The following MAPK10 variants were observed in gnomAD, a reference collection of about 807,000 sequenced individuals.
MAPK10 encodes the protein mitogen-activated protein kinase 10.
In MAPK10, 25 loss-of-function variants were observed where a neutral mutation model predicts 59.3. The observed-to-expected ratio is 0.42, with a 90% CI of 0.31 to 0.59. The LOEUF is 0.59. Among genes scored for constraint, MAPK10 ranks in the 20% least tolerant of loss-of-function variants. The pLI, the probability that MAPK10 is intolerant of heterozygous loss-of-function variation, is 0.15. For synonymous variants in MAPK10, 190 were observed against 200.5 expected (o/e 0.95, Z 0.44); for missense variants, 351 against 568.9 (o/e 0.62, Z 3.90).
intron 1 of MAPK10, among the ~76,000 whole-genome samples, chr4:86,509,621 G>A (rs1479418370): frequency 6.6e-6 from 1 of 152,092 alleles, no homozygotes; most frequent in Non-Finnish European, 1.5e-5. Context: ...GCCAGTCCCA[G>A]CTAAAATGTA....
intron 1 of MAPK10, among the ~76,000 whole-genome samples, chr4:86,359,286 C>CTGTGTGTGTGTG (rs1260423766): frequency 1.4e-4 from 16 of 118,106 alleles, no homozygotes; most frequent in African/African-American, 5.6e-4. Flanking sequence ...CTCTCTCTCT[C>CTGTGTGTGTGTG]TCTGTGTGTG....
intron 2 of MAPK10, among the ~76,000 whole-genome samples, chr4:86,346,919 TTAATA>T (rs1326643784): frequency 1.3e-5 from 2 of 152,070 alleles, no homozygotes; most frequent in South Asian, 2.1e-4. Context: ...CACATATGTC[TTAATA>T]TAAAAGAGTA....
chr4:86,103,075 C>CTGTGTGTGTG (rs10681488), intron 6 of MAPK10, 111 bp downstream of exon 6: 33,153 of 494,926 alleles, frequency 0.067, 859 homozygotes, highest in African/African-American at 0.11. Flanking sequence ...GATTTCAACT[C>CTGTGTGTGTG]TGTGTGTGTG....
At chr4:86,351,554 T>A (rs751403386) in intron 2 of MAPK10, among the ~76,000 whole-genome samples, 1 of 152,146 alleles carries the variant, frequency 6.6e-6, no homozygotes, top group Non-Finnish European at 1.5e-5. Context: ...TATGCCCTAC[T>A]AGCAATTCTT....
rs1736465526 is a variant in MAPK10, at chr4:86,359,644, A to G, written c.-122+14T>C. 2 of 984,828 alleles carry G rather than the reference A, an allele frequency of 2.0e-6. No homozygotes were observed. Among genetic ancestry groups the G allele is most frequent in the East Asian group, 1.1e-4 (1 of 8,798 alleles). The allele number at this position is 984,828 out of a possible 1,614,324, so 61.0% of individuals were successfully genotyped here. A position where few individuals can be genotyped will look rare whatever the true frequency, so the allele number is the denominator to read the frequency against. The stretch of plus-strand genomic sequence containing the variant: ...AAACAGGTTAGAACCCAGAACGAGC[A>G]AAGAGCCACCTACCATTCCGTGCCT... On this transcript the variant is annotated intron_variant, in intron 1 of 13. Coordinates refer to ENST00000641462, the MANE Select transcript of MAPK10 (RefSeq NM_138982.4).
intron 1 of MAPK10, among the ~76,000 whole-genome samples, chr4:86,434,178 C>T (rs1748406259): frequency 6.6e-6 from 1 of 152,126 alleles, no homozygotes; most frequent in Non-Finnish European, 1.5e-5. Flanking sequence ...ACTGGGAAAA[C>T]TGGAGAACTA....
rs919475268 is a variant in MAPK10 at position 86,452,327 on chromosome 4, T to A, written c.-122+703A>T. Among the ~76,000 whole-genome samples the A allele has an allele frequency of 5.3e-5, 8 of 152,250 alleles. No individual in the cohort carries two copies. In the East Asian group the frequency reaches 7.7e-4, roughly 15 times the overall value. ...AGATCTATTAAGTGGTTAGTGCCAA[T>A]CCAGGTATTAGACATTTGGGTTACA... On this transcript the variant is annotated intron_variant, in intron 1 of 13. Transcript: ENST00000361569.
At chr4:86,288,772 C>T (rs954208940) in intron 2 of MAPK10, among the ~76,000 whole-genome samples, 2 of 152,058 alleles carry the variant, frequency 1.3e-5, no homozygotes, top group African/African-American at 2.4e-5. Context: ...TCATTAGATA[C>T]AATTTTAAGT....
chr4:86,446,618 G>C (rs1036256001), intron 1 of MAPK10, among the ~76,000 whole-genome samples: 1 of 152,114 alleles, frequency 6.6e-6, no homozygotes, highest in African/African-American at 2.4e-5. Flanking sequence ...GTCTTCAAAG[G>C]CATCTCTCTC....
chr4:86,099,224 C>T (rs1199091595), intron 8 of MAPK10: 1 of 152,130 alleles, frequency 6.6e-6, no homozygotes, highest in Non-Finnish European at 1.5e-5. Flanking sequence ...GTTTTAGTTT[C>T]CATTTGAAAT....
At chr4:86,401,948 G>A (rs1209215175) in intron 1 of MAPK10, among the ~76,000 whole-genome samples, 1 of 152,000 alleles carries the variant, frequency 6.6e-6, no homozygotes, top group Non-Finnish European at 1.5e-5. Context: ...CCTCCCCTAT[G>A]TTCTACTGTC....
At chr4:86,089,474 A>G (rs967014437) in intron 9 of MAPK10, 1 of 470,622 alleles carries the variant, frequency 2.1e-6, no homozygotes, top group African/African-American at 2.6e-5. Context: ...TTTCTGTCAT[A>G]TAACAGAAAT....
chr4:86,257,463 C>G (rs184672866), intron 2 of MAPK10, among the ~76,000 whole-genome samples: 367 of 152,334 alleles, frequency 2.4e-3, no homozygotes, highest in Non-Finnish European at 4.4e-3. Context: ...TCCTTTGGGA[C>G]TCACGTGATC....
chr4:86,550,355 G>A, intron 1 of MAPK10, among the ~76,000 whole-genome samples: 1 of 126,094 alleles, frequency 7.9e-6, no homozygotes, highest in Non-Finnish European at 1.6e-5. Context: ...TAATCAGAAG[G>A]GCTAAGCAGA....
At chr4:86,126,623 C>T (rs1580770431) in intron 4 of MAPK10, among the ~76,000 whole-genome samples, 3 of 152,022 alleles carry the variant, frequency 2.0e-5, no homozygotes, top group African/African-American at 7.2e-5. Flanking sequence ...AAGATTTTAT[C>T]TCTAGCTAAG....
rs533577767 is a variant in MAPK10, at chr4:86,230,524, A to G, written c.-6-36117T>C. Among the ~76,000 whole-genome samples the G allele has an allele frequency of 5.3e-5, 8 of 152,342 alleles. No individual in the cohort carries two copies. In the South Asian group the frequency reaches 1.0e-3, roughly 20 times the overall value. On this transcript the variant is annotated intron_variant, in intron 2 of 13. Coordinates refer to ENST00000641462, the MANE Select transcript of MAPK10 (RefSeq NM_138982.4). ...TTTGTGACTATTCTGCTTACATGGA[A>G]AAAACCATGAGGATAAATTTCTGGA...
At position 86,131,003 on chromosome 4, in the gene MAPK10, A is replaced by T. The variant is rs927242126; in HGVS notation, c.237-23651T>A. On this transcript the variant is annotated intron_variant, in intron 4 of 13. Coordinates refer to ENST00000641462, the MANE Select transcript of MAPK10 (RefSeq NM_138982.4). ...TTGCCAAGAAGAAAGAGGGGAAGAT[A>T]GTGAAAGCTTATAAATGGGATAGAT... 2.0e-5 allele frequency among the ~76,000 whole-genome samples: 3 copies of T among 152,168 alleles called. No individual in the cohort carries two copies. In the South Asian group the frequency reaches 6.2e-4, roughly 31 times the overall value.
intron 4 of MAPK10, chr4:86,117,977 G>A (rs1432078035): frequency 7.2e-5 from 11 of 152,176 alleles, no homozygotes; most frequent in Admixed American, 6.5e-4. Flanking sequence ...GAGCTCCCTG[G>A]TGATTCAGCT....
chr4:86,429,804 C>G (rs1747791010), intron 1 of MAPK10: 2 of 148,178 alleles, frequency 1.3e-5, no homozygotes, highest in Non-Finnish European at 3.0e-5. Context: ...TAGATCCTGT[C>G]TCTGTTTAAA....
Sources: allele counts gnomAD v4.1 joint callset (sites outside exome capture counted in the v4.1 genomes callset), GRCh38; gene constraint gnomAD v4.1.1; transcripts MANE v1.5; gene names NCBI Gene and HGNC (gene_info 2026-07-23, HGNC 2026-07-21).